Variants in NRP2 observed in about 807,000 individuals in gnomAD.
NRP2 encodes neuropilin 2, also known as neuropilin-2.
A neutral mutation model predicts 110.4 loss-of-function variants in NRP2; 52 were observed. That is an observed-to-expected ratio of 0.47 (90% confidence interval 0.38 to 0.59). The LOEUF (loss-of-function observed/expected upper bound fraction) is 0.59, where lower values mean the gene tolerates loss of function less well. NRP2 is among the 20% of genes least tolerant of loss of function. NRP2 has a pLI of 0.00. For missense variants in NRP2, 1,049 were observed against 1,203.0 expected, an observed-to-expected ratio of 0.87 and a Z score of 1.89; for synonymous variants, 508 against 468.9, an observed-to-expected ratio of 1.08 and a Z score of -1.08.
intron 7 of NRP2, among the ~76,000 whole-genome samples, chr2:205,729,521 G>A (rs1023353521): frequency 6.6e-6 from 1 of 150,626 alleles, no homozygotes; most frequent in African/African-American, 2.5e-5. Context: ...CGGAAGCTCA[G>A]CTAGCAGACG....
chr2:205,729,282 T>C (rs1348808693), intron 7 of NRP2, among the ~76,000 whole-genome samples: 1 of 152,230 alleles, frequency 6.6e-6, no homozygotes, highest in Non-Finnish European at 1.5e-5. Context: ...TATTACCAGG[T>C]ATCTCACACA....
Position 205,686,458 on chromosome 2 carries a change from T to C in NRP2, c.73+3095T>C, listed in dbSNP as rs2056166363. ...TCATTTTCACTGATTGATTTCTTTT[T>C]AATATCAACACAAGTTAATGGAGGC... On this transcript the variant is annotated intron_variant, in intron 1 of 16. Transcript: ENST00000357785. The surrounding 1 kb of genome is among the most constrained non-coding windows in gnomAD (Gnocchi z 4.7). Among the ~76,000 whole-genome samples, 1 of 152,208 alleles carries C rather than the reference T, an allele frequency of 6.6e-6. No individual in the cohort carries two copies. The highest frequency in any genetic ancestry group is 6.5e-5 in the Admixed American group (1 of 15,290).
intron 13 of NRP2, among the ~76,000 whole-genome samples, chr2:205,765,047 G>A (rs572554911): frequency 6.6e-6 from 1 of 152,258 alleles, no homozygotes; most frequent in East Asian, 1.9e-4. Flanking sequence ...CCTATGTGCT[G>A]TATTTCTCAC....
At chr2:205,709,994 G>A (rs546999405) in intron 2 of NRP2, among the ~76,000 whole-genome samples, 8 of 152,150 alleles carry the variant, frequency 5.3e-5, no homozygotes, top group South Asian at 2.1e-4. Context: ...TTCCAAATCC[G>A]CTCACTTTTC....
intron 2 of NRP2, among the ~76,000 whole-genome samples, chr2:205,708,282 A>G (rs1575565964): frequency 6.6e-6 from 1 of 152,210 alleles, no homozygotes; most frequent in African/African-American, 2.4e-5. Context: ...TGCCTAGAAA[A>G]CCATTCCTTA....
intron 15 of NRP2, among the ~76,000 whole-genome samples, chr2:205,782,055 C>A (rs969559698): frequency 7.2e-6 from 1 of 138,128 alleles, no homozygotes; most frequent in African/African-American, 2.5e-5. Flanking sequence ...TTTGGGAAAT[C>A]GCCAAGAGCA....
chr2:205,767,406 C>G (rs2057943547), intron 15 of NRP2: 1 of 516,816 alleles, frequency 1.9e-6, no homozygotes, highest in Non-Finnish European at 3.9e-6. Context: ...AAAGAGTTGC[C>G]ACATTTAGGA....
At position 205,794,870 on chromosome 2, in the gene NRP2, A is replaced by G; in HGVS notation, c.2593A>G (p.Ile865Val). 1 of 1,614,108 alleles carries G rather than the reference A, an allele frequency of 6.2e-7. No homozygotes were observed. The highest frequency in any genetic ancestry group is 1.1e-5 in the South Asian group (1 of 91,074). Residue 865 changes from isoleucine (I) to valine (V), a missense_variant, in exon 17 of 17, where the codon ATC (isoleucine) becomes GTC (valine). Ile to Val is a conservative substitution (Grantham distance 29). Coordinates refer to ENST00000357785, the MANE Select transcript of NRP2 (RefSeq NM_003872.3). Reference sequence around the variant, plus strand: ...CCTGGATCCCATCCTCATCACCATCATCGCCATGAGCTCACTGGGCGTCCT... The same window carrying G: ...CCTGGATCCCATCCTCATCACCATCGTCGCCATGAGCTCACTGGGCGTCCT... The part of the protein sequence containing the change: ...YTLDPILITI[I>V]AMSSLGVLLG...
At chr2:205,762,702 C>T (rs2057844230) in intron 12 of NRP2, among the ~76,000 whole-genome samples, 1 of 152,204 alleles carries the variant, frequency 6.6e-6, no homozygotes, top group Non-Finnish European at 1.5e-5. Context: ...GAGATTTCCT[C>T]ACCAAATGCC....
chr2:205,692,373 G>T (rs1439056649), intron 1 of NRP2, among the ~76,000 whole-genome samples: 3 of 152,204 alleles, frequency 2.0e-5, no homozygotes, highest in Non-Finnish European at 4.4e-5. Flanking sequence ...ACAGGCTGAA[G>T]TTGCTTTGAA....
At chr2:205,698,605 A>G (rs77254378) in intron 2 of NRP2, among the ~76,000 whole-genome samples, 1,725 of 152,332 alleles carry the variant, frequency 0.011, 29 homozygotes, top group African/African-American at 0.039. Flanking sequence ...GTTGGGAAGC[A>G]GGCAGCATGT....
In NRP2 at chr2:205,794,910, G is replaced by T. The variant is rs1171081081; in HGVS notation, c.2633G>T (p.Cys878Phe). 1.2e-6 allele frequency: 2 copies of T among 1,614,032 alleles called. No homozygotes were observed. Among genetic ancestry groups the T allele is most frequent in the Non-Finnish European group, 1.7e-6 (2 of 1,180,038 alleles). The change falls in exon 17 of 17, where the codon TGT becomes TTT. Residue 878 changes from cysteine (C) to phenylalanine (F), a missense_variant. Coordinates refer to ENST00000357785, the MANE Select transcript of NRP2 (RefSeq NM_003872.3). Reference sequence around the variant, plus strand: ...CTGGGCGTCCTCCTGGGGGCCACCTGTGCAGGCCTCCTGCTCTACTGCACC... The same window carrying T: ...CTGGGCGTCCTCCTGGGGGCCACCTTTGCAGGCCTCCTGCTCTACTGCACC... ...SSLGVLLGAT[C>F]AGLLLYCTCS... is the part of the protein sequence containing the mutation.
intron 1 of NRP2, among the ~76,000 whole-genome samples, chr2:205,690,696 C>T (rs1191868493): frequency 1.3e-5 from 2 of 151,898 alleles, no homozygotes; most frequent in African/African-American, 2.4e-5. Flanking sequence ...AGGAAAATCG[C>T]TTAAACTTGG....
At chr2:205,742,758 C>A (rs1385096323) in intron 8 of NRP2, among the ~76,000 whole-genome samples, 1 of 152,192 alleles carries the variant, frequency 6.6e-6, no homozygotes, top group East Asian at 1.9e-4. Flanking sequence ...GGACTAGTGT[C>A]ATCGACAGGG....
chr2:205,741,021 T>C (rs1285568575), intron 8 of NRP2, among the ~76,000 whole-genome samples: 1 of 152,144 alleles, frequency 6.6e-6, no homozygotes, highest in Non-Finnish European at 1.5e-5. Flanking sequence ...CACCAGTAAG[T>C]GGTAGAGCCA....
intron 15 of NRP2, among the ~76,000 whole-genome samples, chr2:205,783,522 T>G (rs956045669): frequency 4.6e-5 from 7 of 152,098 alleles, no homozygotes; most frequent in Non-Finnish European, 8.8e-5. Context: ...CAAGAAAAAG[T>G]CTCAAATTTG....
At chr2:205,766,175 C>G (rs563955370) in intron 14 of NRP2, among the ~76,000 whole-genome samples, 29 of 152,302 alleles carry the variant, frequency 1.9e-4, no homozygotes, top group African/African-American at 7.0e-4. Flanking sequence ...TCATCTTGGT[C>G]AAAAGCACCT....
chr2:205,769,982 G>A (rs1290901277), intron 15 of NRP2, among the ~76,000 whole-genome samples: 1 of 152,158 alleles, frequency 6.6e-6, no homozygotes, highest in East Asian at 1.9e-4. Flanking sequence ...TGTTGACCAG[G>A]TGGTTATTTT....
chr2:205,720,629 G>A (rs982644573), intron 3 of NRP2, among the ~76,000 whole-genome samples: 3 of 152,304 alleles, frequency 2.0e-5, no homozygotes, highest in South Asian at 2.1e-4. Context: ...TGAGTGGCCC[G>A]CATGAAGAAT....
Sources: allele counts gnomAD v4.1 joint callset (sites outside exome capture counted in the v4.1 genomes callset), GRCh38; gene constraint gnomAD v4.1.1; non-coding constraint Gnocchi (gnomAD v3.1); transcripts MANE v1.5; gene names NCBI Gene and HGNC (gene_info 2026-07-23, HGNC 2026-07-21).